SCN11A: variants seen among roughly 807,000 people sequenced by gnomAD.
The protein encoded by SCN11A is sodium channel protein type 11 subunit alpha.
A neutral mutation model predicts 162.2 loss-of-function variants in SCN11A; 122 were observed. The observed-to-expected ratio is 0.75, with a 90% CI of 0.65 to 0.87. The LOEUF is 0.87. Ranked by LOEUF, SCN11A falls within the 40% of genes least tolerant of loss-of-function variation. The probability of loss-of-function intolerance (pLI) is 0.00; values close to 1 mark genes in which losing one functional copy is unlikely to be tolerated. For synonymous variants in SCN11A, 758 were observed against 751.5 expected (o/e 1.01, Z -0.14); for missense variants, 2,015 against 2,181.6 (o/e 0.92, Z 1.52).
At chr3:38,955,918 A>G (rs959654531) in intron 3 of SCN11A, among the ~76,000 whole-genome samples, 1 of 152,212 alleles carries the variant, frequency 6.6e-6, no homozygotes, top group African/African-American at 2.4e-5. Context: ...CTCAACCACC[A>G]TGGCACATGT....
intron 2 of SCN11A, among the ~76,000 whole-genome samples, chr3:39,027,505 G>T (rs1258104825): frequency 1.3e-5 from 2 of 152,182 alleles, no homozygotes; most frequent in Non-Finnish European, 2.9e-5. Flanking sequence ...GAAAGTGTAG[G>T]TAAGAAAAGA....
chr3:38,978,742 G>A (rs1023503478), intron 2 of SCN11A, among the ~76,000 whole-genome samples: 3 of 152,154 alleles, frequency 2.0e-5, no homozygotes, highest in Admixed American at 6.5e-5. Context: ...GATAAGGAAG[G>A]ATAAAGAAAA....
At chr3:38,927,068 A>AAT in intron 7 of SCN11A, 137 bp from the exon 8 acceptor site, 1 of 810,642 alleles carries the variant, frequency 1.2e-6, no homozygotes, top group Non-Finnish European at 1.9e-6. Context: ...AGCAAACCAG[A>AAT]GTTCAAAAAT....
chr3:38,902,350 A>G (rs1385683250), intron 16 of SCN11A, among the ~76,000 whole-genome samples: 1 of 152,162 alleles, frequency 6.6e-6, no homozygotes, highest in Non-Finnish European at 1.5e-5. Context: ...ATTCACACCC[A>G]CAAAGCATTT....
At chr3:38,937,113 C>G (rs1031426763) in intron 7 of SCN11A, among the ~76,000 whole-genome samples, 4 of 152,158 alleles carry the variant, frequency 2.6e-5, no homozygotes, top group Admixed American at 2.6e-4. Context: ...CAAAAACAAG[C>G]AATGGGGAAA....
intron 2 of SCN11A, among the ~76,000 whole-genome samples, chr3:38,987,332 C>A (rs1001930387): frequency 4.0e-5 from 6 of 150,994 alleles, no homozygotes; most frequent in Non-Finnish European, 8.9e-5. Flanking sequence ...CACACACACA[C>A]ACACACACAC....
At chr3:38,860,037 C>A (rs1039563824) in intron 28 of SCN11A, among the ~76,000 whole-genome samples, 2 of 152,092 alleles carry the variant, frequency 1.3e-5, no homozygotes, top group African/African-American at 4.8e-5. Flanking sequence ...ACCACCCAGA[C>A]CCATAATCTG....
At chr3:38,932,141 T>A (rs922503510) in intron 7 of SCN11A, among the ~76,000 whole-genome samples, 1 of 151,822 alleles carries the variant, frequency 6.6e-6, no homozygotes, top group African/African-American at 2.4e-5. Flanking sequence ...ATGCCACATA[T>A]TAAAACCTAC....
chr3:38,854,059 C>T (rs2064828038), intron 28 of SCN11A, among the ~76,000 whole-genome samples: 1 of 151,832 alleles, frequency 6.6e-6, no homozygotes, highest in African/African-American at 2.4e-5. Context: ...AGCCCATGAG[C>T]TCAGAATGGG....
At chr3:38,939,561 G>A (rs950769825) in intron 7 of SCN11A, among the ~76,000 whole-genome samples, 1 of 152,016 alleles carries the variant, frequency 6.6e-6, no homozygotes, top group African/African-American at 2.4e-5. Flanking sequence ...CACTTTACTG[G>A]ATAATTCTCT....
At chr3:38,877,119 T>C (rs2065227004) in intron 23 of SCN11A, among the ~76,000 whole-genome samples, 1 of 117,444 alleles carries the variant, frequency 8.5e-6, no homozygotes, top group Non-Finnish European at 1.7e-5. Flanking sequence ...ATATACTATA[T>C]ATATGGTGTA....
chr3:38,934,610 A>G (rs1295075458), intron 7 of SCN11A, among the ~76,000 whole-genome samples: 1 of 152,130 alleles, frequency 6.6e-6, no homozygotes, highest in East Asian at 1.9e-4. Flanking sequence ...TTAAACCAAC[A>G]AAGATCAAAA....
At chr3:38,853,279 C>A (rs1375014697) in intron 28 of SCN11A, among the ~76,000 whole-genome samples, 6 of 151,924 alleles carry the variant, frequency 3.9e-5, no homozygotes, top group Admixed American at 6.6e-5. Context: ...GGTTGTATAG[C>A]ATGCATATGT....
intron 17 of SCN11A, among the ~76,000 whole-genome samples, chr3:38,898,569 C>T (rs918841812): frequency 1.3e-5 from 2 of 152,184 alleles, no homozygotes; most frequent in Non-Finnish European, 2.9e-5. Flanking sequence ...AGAGAAAAGG[C>T]AACCAGCTAT....
rs1299820675 is a variant in SCN11A, at chr3:38,850,473, T to G, written c.4327+8A>C. 6.2e-7 allele frequency: 1 copy of G among 1,608,812 alleles called. No homozygotes were observed. The highest frequency in any genetic ancestry group is 1.7e-5 in the Admixed American group (1 of 59,572). ...CTTAAAGTCCCTCTGACTGCTGATT[T>G]TACTTACTAACAATGGAAAGAAGCA... On this transcript the variant is annotated splice_region_variant and intron_variant, in intron 29 of 29. Coordinates refer to ENST00000302328, the MANE Select transcript of SCN11A (RefSeq NM_001349253.2).
At position 38,905,307 on chromosome 3, in the gene SCN11A, C is replaced by T; in HGVS notation, c.1488G>A (p.Glu496=). The change falls in exon 15 of 30, where the codon GAG becomes GAA. Residue 496 remains glutamate, a synonymous_variant. Coordinates refer to ENST00000302328, the MANE Select transcript of SCN11A (RefSeq NM_001349253.2). Reference sequence around the variant, plus strand: ...GATTCTGGGACAGTCGTTTGGTTTGCTCTAGGAGCTGTGGCTGTAAGAGAA... The same window carrying T: ...GATTCTGGGACAGTCGTTTGGTTTGTTCTAGGAGCTGTGGCTGTAAGAGAA... ...EDCQKKPQLL[E]QTKRLSQNLS... The T allele has an allele frequency of 6.2e-7, 1 of 1,613,614 alleles. No homozygotes were observed. The highest frequency in any genetic ancestry group is 1.7e-5 in the Admixed American group (1 of 59,994).
chr3:38,895,106 T>A, intron 18 of SCN11A, 142 bp from the exon 19 acceptor site: 1 of 681,842 alleles, frequency 1.5e-6, no homozygotes, highest in East Asian at 2.7e-5. Context: ...AGAAAGCTCA[T>A]CTATCCAATA....
At chr3:38,930,233 C>T (rs577978980) in intron 7 of SCN11A, among the ~76,000 whole-genome samples, 1 of 152,270 alleles carries the variant, frequency 6.6e-6, no homozygotes, top group South Asian at 2.1e-4. Context: ...AGCTAAAGAA[C>T]AAAGGCCTTG....
At chr3:38,993,526 C>T (rs1039878342) in intron 2 of SCN11A, among the ~76,000 whole-genome samples, 1 of 152,118 alleles carries the variant, frequency 6.6e-6, no homozygotes, top group South Asian at 2.1e-4. Flanking sequence ...CTATAAGAAA[C>T]AAATCATGTG....
Sources: allele counts gnomAD v4.1 joint callset (sites outside exome capture counted in the v4.1 genomes callset), GRCh38; gene constraint gnomAD v4.1.1; transcripts MANE v1.5; gene names NCBI Gene and HGNC (gene_info 2026-07-23, HGNC 2026-07-21).